Variants in GHRHR observed in about 807,000 individuals in gnomAD.
GHRHR encodes the protein growth hormone releasing hormone receptor, also known as growth hormone-releasing hormone receptor.
In GHRHR, 40 loss-of-function variants were observed where a neutral mutation model predicts 58.3. The observed-to-expected ratio is 0.69, with a 90% CI of 0.53 to 0.89. The LOEUF (loss-of-function observed/expected upper bound fraction) is 0.89, where lower values mean the gene tolerates loss of function less well. GHRHR is among the 40% of genes least tolerant of loss of function. The probability of loss-of-function intolerance (pLI) is 0.00; values close to 1 mark genes in which losing one functional copy is unlikely to be tolerated. For synonymous variants in GHRHR, 249 were observed against 216.6 expected (o/e 1.15, Z -1.31); for missense variants, 551 against 541.3 (o/e 1.02, Z -0.18).
At chr7:30,971,884 C>A in intron 5 of GHRHR, 79 bp from the exon 6 acceptor site, 1 of 1,324,160 alleles carries the variant, frequency 7.6e-7, no homozygotes, top group Non-Finnish European at 1.1e-6. Flanking sequence ...ACCTCCTGCC[C>A]TGTTCAGCCC....
At chr7:30,965,203 C>T (rs1216230952) in intron 1 of GHRHR, among the ~76,000 whole-genome samples, 1 of 152,184 alleles carries the variant, frequency 6.6e-6, no homozygotes, top group Non-Finnish European at 1.5e-5. Context: ...TCTGTGTGCA[C>T]TCTACAGCAA....
In GHRHR at chr7:30,971,122, T is replaced by C. The variant is rs1228445710; in HGVS notation, c.370T>C (p.Ser124Pro). 1 of 1,408,694 alleles carries C rather than the reference T, an allele frequency of 7.1e-7. No individual in the cohort carries two copies. Among genetic ancestry groups the C allele is most frequent in the Admixed American group, 2.0e-5 (1 of 50,972 alleles). 87.3% of individuals were successfully genotyped at this position (1,408,694 alleles called of 1,614,324 possible). A position where few individuals can be genotyped will look rare whatever the true frequency, so the allele number is the denominator to read the frequency against. ...VPLELLAEEE[S>P]YFSTVKIIYT... ...CTTCTGTCTCTGCCCTTCCCAGGAA[T>C]CTTACTTCTCCACAGTGAAGATTAT... is the stretch of plus-strand genomic sequence containing the variant. Residue 124 changes from serine (S) to proline (P), a missense_variant, in exon 5 of 13, where the codon TCT (serine) becomes CCT (proline). Transcript: ENST00000326139.
intron 4 of GHRHR, among the ~76,000 whole-genome samples, chr7:30,970,346 G>C (rs1792458078): frequency 2.0e-5 from 3 of 152,134 alleles, no homozygotes; most frequent in African/African-American, 7.2e-5. Flanking sequence ...GCATGGTTGC[G>C]ATGTGGGCAA....
intron 7 of GHRHR, 23 bp from the exon 8 acceptor site, chr7:30,974,406 G>T (rs747780866): frequency 6.3e-7 from 1 of 1,575,046 alleles, no homozygotes; most frequent in East Asian, 2.2e-5. Context: ...TCCCTCGCTT[G>T]TGTCTTCCCT....
intron 1 of GHRHR, among the ~76,000 whole-genome samples, chr7:30,965,177 G>GC (rs1792322498): frequency 2.6e-5 from 4 of 152,136 alleles, no homozygotes; most frequent in Admixed American, 2.0e-4. Flanking sequence ...AACTTCGACT[G>GC]CCCCCCTGTC....
At chr7:30,977,905 T>C (rs1792618476) in intron 12 of GHRHR, among the ~76,000 whole-genome samples, 1 of 152,168 alleles carries the variant, frequency 6.6e-6, no homozygotes, top group Admixed American at 6.5e-5. Flanking sequence ...TGTGGAAACG[T>C]GGGGACACGA....
At chr7:30,977,973 A>G (rs769698233) in intron 12 of GHRHR, among the ~76,000 whole-genome samples, 22 of 152,222 alleles carry the variant, frequency 1.4e-4, no homozygotes, top group Non-Finnish European at 2.8e-4. Flanking sequence ...CCCTTAGGAC[A>G]GTCCTGCTCT....
At chr7:30,971,869 G>A (rs1792486360) in intron 5 of GHRHR, 94 bp from the exon 6 acceptor site, 13 of 1,152,802 alleles carry the variant, frequency 1.1e-5, no homozygotes, top group East Asian at 2.3e-5. Flanking sequence ...AGTTTGATTC[G>A]ATTCACCTCC....
At chr7:30,977,798 G>A (rs1214173917) in intron 12 of GHRHR, among the ~76,000 whole-genome samples, 1 of 152,188 alleles carries the variant, frequency 6.6e-6, no homozygotes, top group Non-Finnish European at 1.5e-5. Context: ...TGGAGCCCAA[G>A]AAACAGAGAG....
At position 30,975,874 on chromosome 7, in the gene GHRHR, G is replaced by C; in HGVS notation, c.974+6G>C. 6.6e-7 allele frequency: 1 copy of C among 1,515,658 alleles called. No individual in the cohort carries two copies. Among genetic ancestry groups the C allele is most frequent in the Non-Finnish European group, 9.2e-7 (1 of 1,089,870 alleles). The allele number at this position is 1,515,658 out of a possible 1,614,324, so 93.9% of individuals were successfully genotyped here. On this transcript the variant is annotated splice_donor_region_variant and intron_variant, in intron 10 of 12. Coordinates refer to ENST00000326139, the MANE Select transcript of GHRHR (RefSeq NM_000823.4). ...CATACCCAGTCTCAGTATTGGTACT[G>C]TGTGTTTGTGTCTGGGGATACTGGG... is the stretch of plus-strand genomic sequence containing the variant.
At position 30,969,970 on chromosome 7, in the gene GHRHR, A is replaced by G. The variant is rs1252779432; in HGVS notation, c.366+6A>G. 3 of 1,107,058 alleles carry G rather than the reference A, an allele frequency of 2.7e-6. No individual in the cohort carries two copies. Among genetic ancestry groups the G allele is most frequent in the Non-Finnish European group, 4.2e-6 (3 of 716,218 alleles). 68.6% of individuals were successfully genotyped at this position (1,107,058 alleles called of 1,614,324 possible). A position where few individuals can be genotyped will look rare whatever the true frequency, so the allele number is the denominator to read the frequency against. On this transcript the variant is annotated splice_donor_region_variant and intron_variant, in intron 4 of 12. Transcript: ENST00000326139. ...TGGAGCTGCTGGCTGAGGAGGTAAG[A>G]GTCTTCTGGCATCTTGGAGGAAGGA...
At position 30,972,049 on chromosome 7, in the gene GHRHR, C is replaced by T. The variant is rs372859999; in HGVS notation, c.551C>T (p.Ala184Val). Residue 184 changes from alanine to valine, a missense_variant, in exon 6 of 13, where the codon GCT becomes GTT. Ala to Val is a moderately conservative substitution (Grantham distance 64, BLOSUM62 0). Transcript: ENST00000326139. ...LKAGAVFLKD[A>V]ALFHSDDTDH... ...GCGGGAGCTGTGTTCCTGAAGGATG[C>T]TGCCCTTTTCCACAGCGACGACACT... The T allele has an allele frequency of 1.1e-5, 18 of 1,613,930 alleles. No individual in the cohort carries two copies. The African/African-American group carries it at 2.0e-4, about 18-fold the overall frequency.
In GHRHR at chr7:30,976,463, C is replaced by G; in HGVS notation, c.1009C>G (p.Leu337Val). ...CAAGTCGACACTTTTCCTGATCCCA[C>G]TCTTTGGAATTCACTACATCATCTT... is the stretch of plus-strand genomic sequence containing the variant. ...LSKSTLFLIP[L>V]FGIHYIIFNF... Residue 337 changes from leucine to valine, a missense_variant, in exon 11 of 13, where the codon CTC becomes GTC. By Grantham distance (32) the Leu-to-Val change is conservative. Coordinates refer to ENST00000326139, the MANE Select transcript of GHRHR (RefSeq NM_000823.4). 1 of 1,613,278 alleles carries G rather than the reference C, an allele frequency of 6.2e-7. No homozygotes were observed. Among genetic ancestry groups the G allele is most frequent in the South Asian group, 1.1e-5 (1 of 91,060 alleles).
chr7:30,966,054 G>A (rs1792343199), intron 1 of GHRHR, among the ~76,000 whole-genome samples: 1 of 152,196 alleles, frequency 6.6e-6, no homozygotes, highest in Admixed American at 6.5e-5. Context: ...GCAGGAGATG[G>A]CAGAGCTGCG....
In GHRHR at chr7:30,979,362, C is replaced by T; in HGVS notation, c.*118C>T. Reference sequence around the variant, plus strand: ...ACCCCAGCTGTTACCCAGCCCGGGGCAGGTGCAGCCCTTCCTCCCTGTCTC... The same window carrying T: ...ACCCCAGCTGTTACCCAGCCCGGGGTAGGTGCAGCCCTTCCTCCCTGTCTC... On this transcript the variant is annotated 3_prime_UTR_variant, in exon 13 of 13. Coordinates refer to ENST00000326139, the MANE Select transcript of GHRHR (RefSeq NM_000823.4). 1 of 962,774 alleles carries T rather than the reference C, an allele frequency of 1.0e-6. No individual in the cohort carries two copies. The highest frequency in any genetic ancestry group is 2.0e-5 in the Admixed American group (1 of 50,246). 59.6% of individuals were successfully genotyped at this position (962,774 alleles called of 1,614,324 possible).
chr7:30,976,288 T>G, intron 10 of GHRHR, 141 bp from the exon 11 acceptor site: 1 of 755,956 alleles, frequency 1.3e-6, no homozygotes, highest in East Asian at 2.6e-5. Context: ...AAGCCCAGAG[T>G]GATTGTGGGG....
Position 30,971,148 on chromosome 7 carries a change from C to A in GHRHR, c.396C>A (p.Ile132=). The stretch of plus-strand genomic sequence containing the variant: ...CTTACTTCTCCACAGTGAAGATTAT[C>A]TACACCGTGGGCCATAGCATCTCTA... ...EESYFSTVKI[I]YTVGHSISIV... is the part of the protein sequence containing the mutation. The change falls in exon 5 of 13, where the codon ATC becomes ATA. Residue 132 remains isoleucine (I), a synonymous_variant. Transcript: ENST00000326139. 2 of 1,514,640 alleles carry A rather than the reference C, an allele frequency of 1.3e-6. No homozygotes were observed. The highest frequency in any genetic ancestry group is 3.9e-5 in the Admixed American group (2 of 51,572). The allele number at this position is 1,514,640 out of a possible 1,614,324, so 93.8% of individuals were successfully genotyped here. A position where few individuals can be genotyped will look rare whatever the true frequency, so the allele number is the denominator to read the frequency against.
chr7:30,968,347 A>T (rs574314430), intron 1 of GHRHR, among the ~76,000 whole-genome samples: 4 of 152,096 alleles, frequency 2.6e-5, no homozygotes, highest in Admixed American at 1.3e-4. Context: ...AAAGGCCCTG[A>T]TGAGAATGGA....
rs1245518742 is a variant in GHRHR, at chr7:30,964,085, G to A, written c.17G>A (p.Trp6Ter). Residue 6 changes from tryptophan to a stop codon, truncating the protein, a stop_gained, in exon 1 of 13, where the codon TGG (tryptophan) becomes TAG (stop). Transcript: ENST00000326139. LOFTEE classifies it high-confidence loss of function. MDRRM[W>*]GAHVFCVLSP... Reference sequence around the variant, plus strand: ...GGGCTCACCATGGACCGCCGGATGTGGGGGGCCCACGTCTTCTGCGTGTTG... The same window carrying A: ...GGGCTCACCATGGACCGCCGGATGTAGGGGGCCCACGTCTTCTGCGTGTTG... 3 of 1,550,186 alleles carry A rather than the reference G, an allele frequency of 1.9e-6. No individual in the cohort carries two copies. The highest frequency in any genetic ancestry group is 4.9e-5 in the East Asian group (2 of 40,898).
Sources: gnomAD v4.1 joint callset for allele counts (sites outside exome capture counted in the v4.1 genomes callset) on GRCh38, gnomAD v4.1.1 for gene constraint, MANE v1.5 for transcripts, NCBI Gene and HGNC (gene_info 2026-07-23, HGNC 2026-07-21) for gene names.